Variants in DEPDC4 observed in about 807,000 individuals in gnomAD.
The protein encoded by DEPDC4 is DEP domain-containing protein 4.
A neutral mutation model predicts 52.0 loss-of-function variants in DEPDC4; 52 were observed. The ratio of observed to expected loss-of-function variants is 1.00; its 90% CI spans 0.80 to 1.26. The LOEUF (loss-of-function observed/expected upper bound fraction) is 1.26. DEPDC4 is among the 50% of genes most tolerant of loss of function. The pLI is 0.00. For missense variants in DEPDC4, 530 were observed against 546.9 expected, an observed-to-expected ratio of 0.97 and a Z score of 0.31; for synonymous variants, 201 against 196.8, an observed-to-expected ratio of 1.02 and a Z score of -0.18.
intron 7 of DEPDC4, among the ~76,000 whole-genome samples, chr12:100,249,712 C>T (rs1011170689): frequency 6.6e-6 from 1 of 152,174 alleles, no homozygotes; most frequent in African/African-American, 2.4e-5. Flanking sequence ...ACTTGTCCTG[C>T]CACTTTCCAG....
chr12:100,267,661 T>C (rs975558741), upstream of DEPDC4: 1 of 152,058 alleles, frequency 6.6e-6, no homozygotes. Flanking sequence ...AAAGAGGCCT[T>C]GAGGCGACGG....
Position 100,241,833 on chromosome 12 carries a change from CA to C in DEPDC4, c.*58del, listed in dbSNP as rs1167228891. The C allele has an allele frequency of 9.5e-7, 1 of 1,050,446 alleles. No individual in the cohort carries two copies. The highest frequency in any genetic ancestry group is 1.0e-4 in the East Asian group (1 of 10,006). 65.1% of individuals were successfully genotyped at this position (1,050,446 alleles called of 1,614,324 possible). A position where few individuals can be genotyped will look rare whatever the true frequency, so the allele number is the denominator to read the frequency against. ...AAACTCCTTGTATGTCAAGGGTTGG[CA>C]AAACGTAAAGCCTGGAAAAAAAAAA... On this transcript the variant is annotated 3_prime_UTR_variant, in exon 10 of 10. Transcript: ENST00000550587.
intron 3 of DEPDC4, among the ~76,000 whole-genome samples, chr12:100,262,020 T>C (rs968425679): frequency 2.0e-5 from 3 of 152,242 alleles, no homozygotes; most frequent in Admixed American, 2.0e-4. Flanking sequence ...TGAGCCTTAA[T>C]GTAAACTATG....
chr12:100,258,061 A>G (rs1412943380), intron 3 of DEPDC4, among the ~76,000 whole-genome samples: 1 of 152,202 alleles, frequency 6.6e-6, no homozygotes, highest in African/African-American at 2.4e-5. Flanking sequence ...GTGCCATAAC[A>G]TGATCATAGC....
At chr12:100,273,052 A>G in the DEPDC4 span, among the ~76,000 whole-genome samples, 12 of 152,208 alleles carry the variant, frequency 7.9e-5, no homozygotes, top group African/African-American at 2.6e-4. Flanking sequence ...CAGTCTTGCC[A>G]TATTCTCAGC....
downstream of DEPDC4, among the ~76,000 whole-genome samples, chr12:100,239,944 G>A (rs1170941309): frequency 2.6e-5 from 4 of 152,064 alleles, no homozygotes; most frequent in African/African-American, 7.2e-5. Flanking sequence ...CTCTCAAATA[G>A]TTGGGACTAC....
intron 2 of DEPDC4, among the ~76,000 whole-genome samples, chr12:100,263,175 T>C (rs1052194026): frequency 1.3e-5 from 2 of 152,196 alleles, no homozygotes; most frequent in Non-Finnish European, 2.9e-5. Context: ...ATGGCCAGGC[T>C]GGTTTCGAAC....
the DEPDC4 span, among the ~76,000 whole-genome samples, chr12:100,279,229 T>G: frequency 6.6e-6 from 1 of 152,214 alleles, no homozygotes; most frequent in African/African-American, 2.4e-5. Context: ...TTAGTTAGAT[T>G]CTCATAAGGA....
rs147296253 is a variant in DEPDC4, at chr12:100,262,279, G to A, written c.685C>T (p.Arg229Trp). Residue 229 changes from arginine (R) to tryptophan (W), a missense_variant, in exon 3 of 10, where the codon CGG (arginine) becomes TGG (tryptophan). Arg to Trp is a moderately radical substitution (Grantham distance 101, BLOSUM62 -3). Coordinates refer to ENST00000550587, the MANE Select transcript of DEPDC4 (RefSeq NM_001364818.2). The part of the protein sequence containing the change: ...PNITVQKPFL[R>W]LSKEDVWKEQ... ...AACAAATTACCTTCTTTTGAAAGCC[G>A]GAGAAAAGGTTTCTGAACTGTGATA... The A allele has an allele frequency of 3.9e-5, 62 of 1,601,750 alleles. No homozygotes were observed. The highest frequency in any genetic ancestry group is 4.5e-5 in the Non-Finnish European group (53 of 1,177,026).
In DEPDC4 at chr12:100,240,366, T is replaced by C. The variant is rs919113722; in HGVS notation, c.*1526A>G. Among the ~76,000 whole-genome samples the C allele has an allele frequency of 2.6e-5, 4 of 152,114 alleles. No homozygotes were observed. Among genetic ancestry groups the C allele is most frequent in the Non-Finnish European group, 5.9e-5 (4 of 68,030 alleles). On this transcript the variant is annotated 3_prime_UTR_variant, in exon 10 of 10. Transcript: ENST00000550587. ...TGTAGAGATAGGGGCAGGGTCTCAC[T>C]ATTACTCAGGCTGGTCTTGAACTCC...
chr12:100,264,892 A>C (rs540974570), intron 1 of DEPDC4, among the ~76,000 whole-genome samples: 29 of 152,298 alleles, frequency 1.9e-4, no homozygotes, highest in African/African-American at 7.0e-4. Context: ...ATAATGAAAA[A>C]AAATTGCCTT....
upstream of DEPDC4, among the ~76,000 whole-genome samples, chr12:100,269,747 G>A (rs1320362366): frequency 6.6e-6 from 1 of 152,086 alleles, no homozygotes; most frequent in Non-Finnish European, 1.5e-5. Context: ...ACTTAACCAT[G>A]TAACTTAATT....
intron 7 of DEPDC4, among the ~76,000 whole-genome samples, chr12:100,250,490 G>A (rs1232055259): frequency 6.6e-6 from 1 of 152,140 alleles, no homozygotes; most frequent in Non-Finnish European, 1.5e-5. Context: ...AAAATGCTGG[G>A]ATTACAGGCA....
At chr12:100,274,595 A>G in the DEPDC4 span, among the ~76,000 whole-genome samples, 1 of 152,320 alleles carries the variant, frequency 6.6e-6, no homozygotes, top group African/African-American at 2.4e-5. Flanking sequence ...TTCTCATAGA[A>G]TTAAATCTAC....
chr12:100,262,172 T>G, intron 3 of DEPDC4, 92 bp downstream of exon 3: 1 of 1,295,042 alleles, frequency 7.7e-7, no homozygotes, highest in Non-Finnish European at 1.1e-6. Flanking sequence ...CTGCTCTATT[T>G]TGCCGTGACC....
At chr12:100,232,395 CA>C (rs71436984) in intron 9 of DEPDC4, among the ~76,000 whole-genome samples, 1,289 of 116,088 alleles carry the variant, frequency 0.011, 14 homozygotes, top group African/African-American at 0.033. Flanking sequence ...GACTCCGTCT[CA>C]AAAAAAAAAA....
At chr12:100,260,358 T>C (rs975804482) in intron 3 of DEPDC4, among the ~76,000 whole-genome samples, 7 of 151,378 alleles carry the variant, frequency 4.6e-5, no homozygotes, top group Non-Finnish European at 1.0e-4. Flanking sequence ...TGACCTCAAG[T>C]GATCCACCCA....
intron 3 of DEPDC4, among the ~76,000 whole-genome samples, chr12:100,258,496 G>C (rs771854909): frequency 6.6e-6 from 1 of 152,180 alleles, no homozygotes; most frequent in Non-Finnish European, 1.5e-5. Context: ...TTACCTTAAA[G>C]TATATTACTT....
intron 1 of DEPDC4, among the ~76,000 whole-genome samples, chr12:100,265,647 T>A (rs1048635727): frequency 1.3e-5 from 2 of 152,156 alleles, no homozygotes; most frequent in African/African-American, 4.8e-5. Context: ...TATAGAATAG[T>A]AGCCAGCCAT....
Sources: allele counts gnomAD v4.1 joint callset (sites outside exome capture counted in the v4.1 genomes callset), GRCh38; gene constraint gnomAD v4.1.1; transcripts MANE v1.5; gene names NCBI Gene and HGNC (gene_info 2026-07-23, HGNC 2026-07-21).